STK33: variants seen among roughly 807,000 people sequenced by gnomAD.
STK33 encodes serine/threonine-protein kinase 33.
STK33 carries 52 observed loss-of-function variants against 58.0 expected under a neutral mutation model. The observed-to-expected ratio is 0.90, with a 90% CI of 0.72 to 1.13. The LOEUF (loss-of-function observed/expected upper bound fraction) is 1.13, where lower values mean the gene tolerates loss of function less well. STK33 is among the 50% of genes most tolerant of loss of function. STK33 has a pLI of 0.00. For synonymous variants in STK33, 215 were observed against 200.1 expected, an observed-to-expected ratio of 1.07 and a Z score of -0.63; for missense variants, 630 against 604.2, an observed-to-expected ratio of 1.04 and a Z score of -0.45.
chr11:8,523,767 G>T (rs982150789), intron 1 of STK33, among the ~76,000 whole-genome samples: 39 of 151,126 alleles, frequency 2.6e-4, no homozygotes, highest in Non-Finnish European at 1.2e-4. Flanking sequence ...CGGCCGCCGC[G>T]TCTGGGAAGT....
chr11:8,581,130 C>T (rs1387785891), intron 1 of STK33, among the ~76,000 whole-genome samples: 2 of 152,010 alleles, frequency 1.3e-5, no homozygotes, highest in African/African-American at 4.8e-5. Context: ...CTTTTCCTTC[C>T]TTCCCATCAA....
At chr11:8,441,678 C>T (rs1944761949) in intron 11 of STK33, among the ~76,000 whole-genome samples, 1 of 151,922 alleles carries the variant, frequency 6.6e-6, no homozygotes, top group African/African-American at 2.4e-5. Flanking sequence ...TAAAAAGTCA[C>T]AAATGACACT....
intron 1 of STK33, among the ~76,000 whole-genome samples, chr11:8,532,935 A>G (rs1954668682): frequency 6.6e-6 from 1 of 152,244 alleles, no homozygotes; most frequent in South Asian, 2.1e-4. Flanking sequence ...ATAATATGCA[A>G]ATGTTTCACA....
At chr11:8,392,796 G>C in intron 15 of STK33, 86 bp from the exon 16 acceptor site, 3 of 1,413,160 alleles carry the variant, frequency 2.1e-6, no homozygotes, top group Non-Finnish European at 2.0e-6. Flanking sequence ...AGTTGTCCAG[G>C]ATTTGCAAGT....
intron 14 of STK33, among the ~76,000 whole-genome samples, chr11:8,429,822 C>T (rs756572517): frequency 1.1e-4 from 17 of 152,168 alleles, no homozygotes; most frequent in Non-Finnish European, 1.9e-4. Context: ...TAAGACCCTG[C>T]TTCCACCCTT....
At chr11:8,592,825 G>T (rs1399385069) in intron 1 of STK33, among the ~76,000 whole-genome samples, 1 of 152,156 alleles carries the variant, frequency 6.6e-6, no homozygotes, top group Admixed American at 6.5e-5. Context: ...AGGTTGGGGG[G>T]TAGCATAATC....
chr11:8,546,112 G>A (rs1900272), intron 1 of STK33, among the ~76,000 whole-genome samples: 71,588 of 152,020 alleles, frequency 0.47, 17,194 homozygotes, highest in South Asian at 0.58. Context: ...TGTATAGGGC[G>A]CTTACCACGA....
In STK33 at chr11:8,440,694, C is replaced by T. The variant is rs577175379; in HGVS notation, c.931G>A (p.Val311Ile). The change falls in exon 12 of 16, where the codon GTC (valine) becomes ATC (isoleucine). Residue 311 changes from valine to isoleucine, a missense_variant. Physicochemically the swap from Val to Ile is conservative, Grantham distance 29. Transcript: ENST00000687296. ...GCTACTTACAACATGTACATTACGA[C>T]GCCTATGCTCCAAATGTCACACTGC... ...SQQCDIWSIG[V>I]VMYMLLRGEP... 35 of 1,566,578 alleles carry T rather than the reference C, an allele frequency of 2.2e-5. No homozygotes were observed. The highest frequency in any genetic ancestry group is 1.7e-4 in the Middle Eastern group (1 of 6,012).
At chr11:8,469,755 A>G (rs1223597378) in intron 6 of STK33, among the ~76,000 whole-genome samples, 1 of 152,248 alleles carries the variant, frequency 6.6e-6, no homozygotes, top group Non-Finnish European at 1.5e-5. Flanking sequence ...CTACAGAATG[A>G]ATGTTGTGTT....
At chr11:8,347,320 G>T in the STK33 span, among the ~76,000 whole-genome samples, 2 of 152,220 alleles carry the variant, frequency 1.3e-5, no homozygotes, top group African/African-American at 4.8e-5. Context: ...GCCCACTTAG[G>T]TGCTGAGTCC....
the STK33 span, among the ~76,000 whole-genome samples, chr11:8,357,615 G>T: frequency 6.6e-6 from 1 of 152,162 alleles, no homozygotes; most frequent in Non-Finnish European, 1.5e-5. Flanking sequence ...ACCGCGGGAG[G>T]GGCAGGAGCC....
chr11:8,458,722 A>G (rs1426914654), intron 8 of STK33, among the ~76,000 whole-genome samples: 2 of 152,192 alleles, frequency 1.3e-5, no homozygotes, highest in Non-Finnish European at 2.9e-5. Flanking sequence ...TTCACAGTCA[A>G]CTAAAAAGCA....
chr11:8,380,560 CA>C, the STK33 span, among the ~76,000 whole-genome samples: 17,382 of 97,050 alleles, frequency 0.18, 1,090 homozygotes, highest in African/African-American at 0.29. Context: ...AACTCCTTCT[CA>C]AAAAAAAAAA....
intron 1 of STK33, among the ~76,000 whole-genome samples, chr11:8,554,696 A>G (rs1956609014): frequency 6.6e-6 from 1 of 152,106 alleles, no homozygotes; most frequent in South Asian, 2.1e-4. Flanking sequence ...AACGGTATGG[A>G]GATTCCTCAA....
intron 1 of STK33, among the ~76,000 whole-genome samples, chr11:8,536,972 A>ATCTTTTTTT (rs1955070178): frequency 1.5e-5 from 1 of 65,734 alleles, no homozygotes; most frequent in Non-Finnish European, 2.5e-5. Context: ...AAAAAAAAAG[A>ATCTTTTTTT]TTTTTTTTTT....
intron 1 of STK33, among the ~76,000 whole-genome samples, chr11:8,494,621 A>G (rs537230804): frequency 2.0e-5 from 3 of 152,356 alleles, no homozygotes; most frequent in East Asian, 1.9e-4. Context: ...GAACCAAAAA[A>G]GAGCCCACAT....
At chr11:8,579,562 A>G (rs930226378) in intron 1 of STK33, among the ~76,000 whole-genome samples, 1 of 151,990 alleles carries the variant, frequency 6.6e-6, no homozygotes, top group African/African-American at 2.4e-5. Flanking sequence ...AATTATATTA[A>G]ATAATGAAAT....
intron 15 of STK33, among the ~76,000 whole-genome samples, chr11:8,409,391 C>A (rs4586148): frequency 0.059 from 8,967 of 152,254 alleles, 456 homozygotes; most frequent in East Asian, 0.27. Context: ...TTTAAGGTCT[C>A]TGCTTTCATT....
At chr11:8,349,212 C>A in the STK33 span, among the ~76,000 whole-genome samples, 3 of 152,204 alleles carry the variant, frequency 2.0e-5, no homozygotes, top group Non-Finnish European at 4.4e-5. Context: ...CAGTAATAGC[C>A]TCTTTCTCTT....
Sources: allele counts gnomAD v4.1 joint callset (sites outside exome capture counted in the v4.1 genomes callset), GRCh38; gene constraint gnomAD v4.1.1; transcripts MANE v1.5; gene names NCBI Gene and HGNC (gene_info 2026-07-23, HGNC 2026-07-21).